Variants in NBAS observed in about 807,000 individuals in gnomAD.
The protein encoded by NBAS is NBAS subunit of NRZ tethering complex.
A neutral mutation model predicts 302.5 loss-of-function variants in NBAS; 219 were observed. The ratio of observed to expected loss-of-function variants is 0.72; its 90% CI spans 0.65 to 0.81. The LOEUF is 0.81. Among genes scored for constraint, NBAS ranks in the 30% least tolerant of loss-of-function variants. The pLI, the probability that NBAS is intolerant of heterozygous loss-of-function variation, is 0.00. For synonymous variants in NBAS, 1,118 were observed against 1,021.6 expected (o/e 1.09, Z -1.80); for missense variants, 2,932 against 2,841.6 (o/e 1.03, Z -0.72).
chr2:14,863,601 C>A, the NBAS span, among the ~76,000 whole-genome samples: 1 of 152,184 alleles, frequency 6.6e-6, no homozygotes, highest in African/African-American at 2.4e-5. Flanking sequence ...ACGGCTGCTC[C>A]AGACTTCTTG....
chr2:15,253,790 TG>T (rs1300756674), intron 44 of NBAS, among the ~76,000 whole-genome samples: 1 of 152,176 alleles, frequency 6.6e-6, no homozygotes, highest in Non-Finnish European at 1.5e-5. Context: ...AGAATGCTGG[TG>T]TATAACAGAC....
the NBAS span, among the ~76,000 whole-genome samples, chr2:15,014,427 ATATCT>A: frequency 6.6e-6 from 1 of 152,160 alleles, no homozygotes; most frequent in Non-Finnish European, 1.5e-5. Context: ...ATTATATCAA[ATATCT>A]TATCTAACCA....
At chr2:15,560,848 C>T (rs1164988356) in intron 1 of NBAS, among the ~76,000 whole-genome samples, 1 of 152,148 alleles carries the variant, frequency 6.6e-6, no homozygotes, top group African/African-American at 2.4e-5. Context: ...AGCGCTGTGC[C>T]TTCCCCTCCT....
chr2:14,964,180 A>T, the NBAS span, among the ~76,000 whole-genome samples: 1 of 152,250 alleles, frequency 6.6e-6, no homozygotes, highest in Non-Finnish European at 1.5e-5. Context: ...GAAAAATACT[A>T]ATCACAAGAT....
intron 40 of NBAS, among the ~76,000 whole-genome samples, chr2:15,295,016 A>G (rs1465182257): frequency 6.6e-6 from 1 of 152,178 alleles, no homozygotes; most frequent in Non-Finnish European, 1.5e-5. Flanking sequence ...CTACTCATAG[A>G]ACCAGCTACC....
At chr2:15,543,399 C>T (rs922740233) in intron 6 of NBAS, among the ~76,000 whole-genome samples, 1 of 152,192 alleles carries the variant, frequency 6.6e-6, no homozygotes, top group Non-Finnish European at 1.5e-5. Context: ...TTATTTTCCA[C>T]CAGTCCAATG....
At chr2:15,513,136 A>T (rs1662221248) in intron 9 of NBAS, among the ~76,000 whole-genome samples, 1 of 152,236 alleles carries the variant, frequency 6.6e-6, no homozygotes, top group African/African-American at 2.4e-5. Context: ...AAGTAATTCA[A>T]ATGCACTTTC....
At chr2:15,326,565 GAATA>G (rs1308295230) in intron 38 of NBAS, among the ~76,000 whole-genome samples, 1 of 151,978 alleles carries the variant, frequency 6.6e-6, no homozygotes, top group Admixed American at 6.6e-5. Flanking sequence ...AAGTAATAAA[GAATA>G]ATTAAACAGG....
the NBAS span, among the ~76,000 whole-genome samples, chr2:15,039,180 A>G: frequency 6.6e-6 from 1 of 152,310 alleles, no homozygotes; most frequent in Non-Finnish European, 1.5e-5. Context: ...GGAAACAATG[A>G]CACCAATTTC....
chr2:15,263,523 C>T (rs1668942775), intron 44 of NBAS, among the ~76,000 whole-genome samples: 1 of 152,132 alleles, frequency 6.6e-6, no homozygotes, highest in South Asian at 2.1e-4. Context: ...ATTCCCAGGC[C>T]CCTTCCTATC....
At chr2:15,537,214 T>G (rs1041912610) in intron 7 of NBAS, among the ~76,000 whole-genome samples, 1 of 152,188 alleles carries the variant, frequency 6.6e-6, no homozygotes, top group East Asian at 1.9e-4. Context: ...GAAAAATTCT[T>G]TGCCCTCCCC....
intron 21 of NBAS, among the ~76,000 whole-genome samples, chr2:15,434,098 C>G (rs1677892364): frequency 6.6e-6 from 1 of 151,966 alleles, no homozygotes; most frequent in Admixed American, 6.6e-5. Flanking sequence ...GCATTCCAGC[C>G]TGGATGACAG....
At chr2:14,809,665 C>A in the NBAS span, among the ~76,000 whole-genome samples, 1 of 152,124 alleles carries the variant, frequency 6.6e-6, no homozygotes. Context: ...GGTCAGAGCC[C>A]CCACACAGAG....
the NBAS span, among the ~76,000 whole-genome samples, chr2:14,935,723 A>G: frequency 6.6e-6 from 1 of 152,168 alleles, no homozygotes; most frequent in East Asian, 1.9e-4. Context: ...CTACTTCAGA[A>G]TTCTGCAGCA....
chr2:15,390,661 C>T (rs964324772), intron 28 of NBAS, among the ~76,000 whole-genome samples: 3 of 152,012 alleles, frequency 2.0e-5, no homozygotes, highest in African/African-American at 7.3e-5. Context: ...TTTGTTTCAC[C>T]ATAGTAACCT....
At chr2:15,330,497 C>G in intron 36 of NBAS, 101 bp downstream of exon 36, 6 of 1,467,924 alleles carry the variant, frequency 4.1e-6, no homozygotes, top group Non-Finnish European at 5.6e-6. Context: ...TTTTAACAAT[C>G]TAGAGAAGAT....
chr2:15,334,571 T>C (rs750780766), intron 35 of NBAS, among the ~76,000 whole-genome samples: 24 of 152,364 alleles, frequency 1.6e-4, no homozygotes, highest in Middle Eastern at 3.4e-3. Context: ...TGCACATTTA[T>C]ATTTGTATTT....
At position 15,457,248 on chromosome 2, in the gene NBAS, C is replaced by G. The variant is rs148694335; in HGVS notation, c.2339+3953G>C. Among the ~76,000 whole-genome samples the G allele has an allele frequency of 3.9e-5, 6 of 152,272 alleles. No individual in the cohort carries two copies. The East Asian group carries it at 1.2e-3, about 29-fold the overall frequency. ...TAGTGACTTGTTTCAACTCAAGTCACTAATTGACTTGAAATCAATTCAACA... is the reference window on the plus strand; with the variant it reads ...TAGTGACTTGTTTCAACTCAAGTCAGTAATTGACTTGAAATCAATTCAACA... On this transcript the variant is annotated intron_variant, in intron 21 of 51. Transcript: ENST00000281513.
the NBAS span, among the ~76,000 whole-genome samples, chr2:15,124,694 C>T: frequency 6.6e-6 from 1 of 152,264 alleles, no homozygotes; most frequent in Admixed American, 6.5e-5. Flanking sequence ...CCAGCTCCAG[C>T]TGCAGCTCAA....
Sources: gnomAD v4.1 joint callset for allele counts (sites outside exome capture counted in the v4.1 genomes callset) on GRCh38, gnomAD v4.1.1 for gene constraint, MANE v1.5 for transcripts, NCBI Gene and HGNC (gene_info 2026-07-23, HGNC 2026-07-21) for gene names.